The following CACNA2D3 variants were observed in gnomAD, a reference collection of about 807,000 sequenced individuals.
CACNA2D3 encodes calcium voltage-gated channel auxiliary subunit alpha2delta 3.
Under a neutral mutation model 160.6 loss-of-function variants are expected in CACNA2D3, and 60 were observed. The observed-to-expected ratio is 0.37, with a 90% CI of 0.30 to 0.46. The LOEUF (loss-of-function observed/expected upper bound fraction) is 0.46. Ranked by LOEUF, CACNA2D3 falls within the 20% of genes least tolerant of loss-of-function variation. CACNA2D3 has a pLI of 1.00. For synonymous variants in CACNA2D3, 558 were observed against 492.9 expected (o/e 1.13, Z -1.75); for missense variants, 1,205 against 1,365.0 (o/e 0.88, Z 1.85).
intron 29 of CACNA2D3, among the ~76,000 whole-genome samples, chr3:54,983,073 A>C (rs1702541380): frequency 6.6e-6 from 1 of 152,178 alleles, no homozygotes; most frequent in Non-Finnish European, 1.5e-5. Context: ...CTCTGGTTCA[A>C]ATGCTTCTGG....
At chr3:54,175,449 T>C (rs1359520888) in intron 2 of CACNA2D3, among the ~76,000 whole-genome samples, 5 of 151,270 alleles carry the variant, frequency 3.3e-5, no homozygotes, top group Non-Finnish European at 7.4e-5. Context: ...ACCCCGTCTC[T>C]ACTAAAAAAA....
At chr3:54,400,821 A>G (rs981280381) in intron 4 of CACNA2D3, among the ~76,000 whole-genome samples, 12 of 152,220 alleles carry the variant, frequency 7.9e-5, no homozygotes, top group African/African-American at 2.9e-4. Flanking sequence ...CATCAATGCA[A>G]GGAACAAGAA....
chr3:54,583,032 G>T (rs759073332), intron 9 of CACNA2D3, among the ~76,000 whole-genome samples: 2 of 152,204 alleles, frequency 1.3e-5, no homozygotes, highest in African/African-American at 4.8e-5. Context: ...CTCATTCATG[G>T]TAATTGTTTA....
chr3:54,754,419 C>T (rs1347652915), intron 12 of CACNA2D3, among the ~76,000 whole-genome samples: 7 of 152,190 alleles, frequency 4.6e-5, no homozygotes, highest in Non-Finnish European at 5.9e-5. Flanking sequence ...ATGTTGTGGG[C>T]ATGACATGAT....
At chr3:54,811,465 C>CTTTT (rs71096451) in intron 13 of CACNA2D3, among the ~76,000 whole-genome samples, 18 of 111,608 alleles carry the variant, frequency 1.6e-4, no homozygotes, top group Non-Finnish European at 2.5e-4. Context: ...TCCCTCAGTT[C>CTTTT]TTTTTTTTTT....
Position 54,476,791 on chromosome 3 carries a change from A to T in CACNA2D3, c.382-26701A>T, listed in dbSNP as rs139708655. Among the ~76,000 whole-genome samples, 1,510 of 152,242 alleles carry T rather than the reference A, an allele frequency of 9.9e-3. 20 individuals carry two copies. The highest frequency in any genetic ancestry group is 0.037 in the Admixed American group (559 of 15,276). ...GCTATTGAGTTGATATGAGTTTCTT[A>T]TCTATCTTGGGTATTAACCCCTTAT... On this transcript the variant is annotated intron_variant, in intron 4 of 37. Coordinates refer to ENST00000474759, the MANE Select transcript of CACNA2D3 (RefSeq NM_018398.3).
At chr3:54,701,412 A>C (rs552912091) in intron 11 of CACNA2D3, among the ~76,000 whole-genome samples, 2 of 152,296 alleles carry the variant, frequency 1.3e-5, no homozygotes, top group African/African-American at 4.8e-5. Flanking sequence ...CATCCTCTCT[A>C]TATCTAATAT....
chr3:54,661,999 C>G (rs568461258), intron 11 of CACNA2D3, among the ~76,000 whole-genome samples: 1 of 152,212 alleles, frequency 6.6e-6, no homozygotes, highest in African/African-American at 2.4e-5. Context: ...CTTAATGACA[C>G]CATCTTATAG....
chr3:55,007,705 C>T (rs1703127165), intron 32 of CACNA2D3, 85 bp from the exon 33 acceptor site: 5 of 815,502 alleles, frequency 6.1e-6, no homozygotes, highest in Admixed American at 3.1e-5. Context: ...AGAAGAATAA[C>T]ATTGTCCTTA....
intron 2 of CACNA2D3, among the ~76,000 whole-genome samples, chr3:54,240,056 T>A (rs1701946782): frequency 6.6e-6 from 1 of 152,198 alleles, no homozygotes; most frequent in Non-Finnish European, 1.5e-5. Flanking sequence ...GTTAAATAAC[T>A]TAATTTCTAA....
At chr3:54,333,602 C>G (rs142171309) in intron 3 of CACNA2D3, among the ~76,000 whole-genome samples, 1,535 of 150,326 alleles carry the variant, frequency 0.01, 29 homozygotes, top group African/African-American at 0.035. Flanking sequence ...TTTGTACAGC[C>G]CACCGAGAGT....
At chr3:55,063,058 G>T (rs1423421887) in intron 35 of CACNA2D3, among the ~76,000 whole-genome samples, 4 of 152,208 alleles carry the variant, frequency 2.6e-5, no homozygotes, top group East Asian at 3.8e-4. Flanking sequence ...GGAGAATGGA[G>T]GAAGACATAC....
At chr3:54,997,483 C>T (rs1187839957) in intron 31 of CACNA2D3, among the ~76,000 whole-genome samples, 2 of 152,080 alleles carry the variant, frequency 1.3e-5, no homozygotes, top group Non-Finnish European at 2.9e-5. Flanking sequence ...GGGGGAAGTG[C>T]TTGAGCTCAG....
intron 21 of CACNA2D3, among the ~76,000 whole-genome samples, chr3:54,884,213 T>C (rs1474747784): frequency 6.6e-6 from 1 of 152,216 alleles, no homozygotes. Flanking sequence ...TTTAACTGTT[T>C]TCTGGCACTT....
At chr3:54,561,620 A>G (rs1702326543) in intron 5 of CACNA2D3, among the ~76,000 whole-genome samples, 1 of 152,156 alleles carries the variant, frequency 6.6e-6, no homozygotes, top group Non-Finnish European at 1.5e-5. Context: ...TGTGTTGAAT[A>G]GGAATTCACC....
At chr3:54,928,063 T>C in intron 27 of CACNA2D3, 2 of 706,284 alleles carry the variant, frequency 2.8e-6, no homozygotes, top group Non-Finnish European at 5.0e-6. Flanking sequence ...AGAAAACAGT[T>C]GTTGCTTTCA....
intron 4 of CACNA2D3, among the ~76,000 whole-genome samples, chr3:54,475,402 G>C (rs1444236154): frequency 6.6e-6 from 1 of 152,186 alleles, no homozygotes; most frequent in African/African-American, 2.4e-5. Flanking sequence ...ATTGCAGCAA[G>C]AGGAAAAATA....
intron 27 of CACNA2D3, among the ~76,000 whole-genome samples, chr3:54,937,983 C>T (rs1701372330): frequency 6.6e-6 from 1 of 152,216 alleles, no homozygotes; most frequent in Non-Finnish European, 1.5e-5. Flanking sequence ...AGAAAAGCCC[C>T]TTGCTGTCCC....
intron 35 of CACNA2D3, among the ~76,000 whole-genome samples, chr3:55,025,477 C>A (rs909858610): frequency 6.6e-5 from 10 of 151,758 alleles, no homozygotes; most frequent in Non-Finnish European, 1.3e-4. Context: ...ACTAAAAACA[C>A]AAAAATTGGC....
Sources: allele counts gnomAD v4.1 joint callset (sites outside exome capture counted in the v4.1 genomes callset), GRCh38; gene constraint gnomAD v4.1.1; transcripts MANE v1.5; gene names NCBI Gene and HGNC (gene_info 2026-07-23, HGNC 2026-07-21).